Variants in MAMLD1 observed in about 807,000 individuals in gnomAD.
MAMLD1 encodes mastermind-like domain-containing protein 1.
MAMLD1 carries 14 observed loss-of-function variants against 45.0 expected under a neutral mutation model. The ratio of observed to expected loss-of-function variants is 0.31; its 90% CI spans 0.21 to 0.49. MAMLD1 has a LOEUF of 0.49. MAMLD1 is among the 20% of genes least tolerant of loss of function. The pLI, the probability that MAMLD1 is intolerant of heterozygous loss-of-function variation, is 0.99. For missense variants in MAMLD1, 543 were observed against 603.6 expected (o/e 0.90, Z 1.05); for synonymous variants, 254 against 247.8 (o/e 1.02, Z -0.24).
At chrX:150,386,524 C>G (rs1427127552) in intron 1 of MAMLD1, among the ~76,000 whole-genome samples, 1 of 111,790 alleles carries the variant, frequency 8.9e-6, no homozygotes, top group Non-Finnish European at 1.9e-5. Flanking sequence ...AAGGCAGTCT[C>G]TTACTGACAA....
chrX:150,407,949 T>G lies in MAMLD1; in HGVS notation c.-63-37505T>G, dbSNP rs140433064. Among the ~76,000 whole-genome samples the G allele has an allele frequency of 7.3e-3, 814 of 111,926 alleles. 9 individuals are homozygous for G. The highest frequency in any genetic ancestry group is 0.025 in the African/African-American group (777 of 30,801). On this transcript the variant is annotated intron_variant, in intron 1 of 7. Coordinates refer to ENST00000370401, the MANE Select transcript of MAMLD1 (RefSeq NM_005491.5). ...CTGTCTTATTCTTATGTGATTTCTCTCTTTGCTGGCTCTATGATCCCAGAG... is the reference window on the plus strand; with the variant it reads ...CTGTCTTATTCTTATGTGATTTCTCGCTTTGCTGGCTCTATGATCCCAGAG...
At chrX:150,414,329 G>A (rs1602724997) in intron 1 of MAMLD1, among the ~76,000 whole-genome samples, 2 of 111,922 alleles carry the variant, frequency 1.8e-5, no homozygotes, top group Admixed American at 9.5e-5. Flanking sequence ...TCACAGAAAA[G>A]CAGGCAAGTG....
intron 2 of MAMLD1, among the ~76,000 whole-genome samples, chrX:150,449,391 G>A (rs1225975501): frequency 2.7e-5 from 3 of 111,284 alleles, no homozygotes; most frequent in Non-Finnish European, 5.7e-5. Context: ...AGCGTATGTG[G>A]ACATTTGGAT....
chrX:150,495,545 T>A (rs782220230), intron 5 of MAMLD1, among the ~76,000 whole-genome samples: 1 of 112,458 alleles, frequency 8.9e-6, no homozygotes, highest in Non-Finnish European at 1.9e-5. Flanking sequence ...ACACAGAACA[T>A]CCCTGTGGGG....
intron 1 of MAMLD1, among the ~76,000 whole-genome samples, chrX:150,402,035 CA>C (rs1211268712): frequency 1.5e-4 from 17 of 111,691 alleles, no homozygotes; most frequent in African/African-American, 5.5e-4. Flanking sequence ...TCTAAAACAC[CA>C]AAAGTAATGG....
chrX:150,494,103 A>G (rs1475467503), intron 5 of MAMLD1, among the ~76,000 whole-genome samples: 1 of 112,178 alleles, frequency 8.9e-6, no homozygotes, highest in Admixed American at 9.5e-5. Flanking sequence ...TTAATAAGGA[A>G]GTAAAAAATG....
rs369758402 is a variant in MAMLD1, at chrX:150,434,617, T to C, written c.-63-10837T>C. Among the ~76,000 whole-genome samples the C allele has an allele frequency of 6.2e-5, 7 of 112,385 alleles. No individual in the cohort carries two copies. The East Asian group carries it at 1.9e-3, about 31-fold the overall frequency. The stretch of plus-strand genomic sequence containing the variant: ...GGGATTCTGGTATGTTGTATCTTTG[T>C]TCTCCTTAGTTTCAAATAATTTGTT... On this transcript the variant is annotated intron_variant, in intron 1 of 7. Transcript: ENST00000370401.
intron 1 of MAMLD1, among the ~76,000 whole-genome samples, chrX:150,410,537 A>T (rs942069271): frequency 1.1e-4 from 12 of 111,786 alleles, no homozygotes; most frequent in African/African-American, 3.9e-4. Context: ...TCCAGCAGCT[A>T]TCATCACAGT....
In MAMLD1 at chrX:150,488,759, C is replaced by T. The variant is rs182114720; in HGVS notation, c.2041-14515C>T. Among the ~76,000 whole-genome samples the T allele has an allele frequency of 5.2e-3, 591 of 113,083 alleles. 1 individual carries two copies. Among genetic ancestry groups the T allele is most frequent in the Non-Finnish European group, 7.3e-3 (391 of 53,392 alleles). On this transcript the variant is annotated intron_variant, in intron 5 of 7. Coordinates refer to ENST00000370401, the MANE Select transcript of MAMLD1 (RefSeq NM_005491.5). ...AGTGGTAGGTTATGCTTATGCTCAT[C>T]GTTTTTCTTCCCAGAGCTGGCTCTT...
chrX:150,463,001 T>C (rs1557405703), intron 3 of MAMLD1, among the ~76,000 whole-genome samples, 155 bp downstream of exon 3: 1 of 112,371 alleles, frequency 8.9e-6, no homozygotes, highest in Non-Finnish European at 1.9e-5. Flanking sequence ...TTAAATGATC[T>C]CTGCCCGGTG....
chrX:150,469,655 C>CTCTCTGTGTGTGTG (rs1159384506), intron 3 of MAMLD1, 90 bp from the exon 4 acceptor site: 2 of 291,306 alleles, frequency 6.9e-6, no homozygotes, highest in African/African-American at 7.1e-5. Context: ...CTCTCTCTCT[C>CTCTCTGTGTGTGTG]TGTGTGTGTG....
At chrX:150,481,700 G>A (rs1021283037) in intron 5 of MAMLD1, among the ~76,000 whole-genome samples, 35 of 108,170 alleles carry the variant, frequency 3.2e-4, no homozygotes, top group Non-Finnish European at 5.5e-4. Context: ...GCATGGTGGC[G>A]TTGCCTGCAG....
Position 150,470,701 on chromosome X carries a change from G to T in MAMLD1, c.1128G>T (p.Ser376=), listed in dbSNP as rs781984105. The T allele has an allele frequency of 1.7e-6, 2 of 1,211,743 alleles. No homozygotes were observed. The highest frequency in any genetic ancestry group is 3.5e-5 in the African/African-American group (2 of 57,783). ...MVSCMSSNTL[S]GSTLRGSPNA... ...CCTGCATGTCGTCCAATACCTTGTC[G>T]GGTAGCACTCTCCGAGGCTCTCCCA... Residue 376 remains serine, a synonymous_variant, in exon 4 of 8, where the codon TCG becomes TCT. Coordinates refer to ENST00000370401, the MANE Select transcript of MAMLD1 (RefSeq NM_005491.5).
intron 1 of MAMLD1, among the ~76,000 whole-genome samples, chrX:150,420,624 A>T (rs2034457555): frequency 8.9e-6 from 1 of 111,751 alleles, no homozygotes; most frequent in Admixed American, 9.4e-5. Context: ...TTTGGTGTGG[A>T]TGTACTTTCT....
chrX:150,411,551 C>T (rs1211075630), intron 1 of MAMLD1, among the ~76,000 whole-genome samples: 2 of 112,296 alleles, frequency 1.8e-5, no homozygotes, highest in Non-Finnish European at 3.8e-5. Flanking sequence ...TTGGTATGCA[C>T]AATGCCTCTT....
At chrX:150,494,486 T>A (rs1211760372) in intron 5 of MAMLD1, among the ~76,000 whole-genome samples, 2 of 112,681 alleles carry the variant, frequency 1.8e-5, no homozygotes. Context: ...CCCAAGTAGA[T>A]CCTCATGTGA....
intron 1 of MAMLD1, among the ~76,000 whole-genome samples, chrX:150,365,249 C>T (rs917082454): frequency 8.9e-6 from 1 of 112,170 alleles, no homozygotes. Context: ...TCGAGCCGCT[C>T]GGGACAGGAG....
chrX:150,430,486 T>C (rs2034898529), intron 1 of MAMLD1, among the ~76,000 whole-genome samples: 1 of 111,800 alleles, frequency 8.9e-6, no homozygotes, highest in Non-Finnish European at 1.9e-5. Context: ...TGAAGTCTAG[T>C]TTATGAATTT....
intron 1 of MAMLD1, among the ~76,000 whole-genome samples, chrX:150,428,140 G>T: frequency 9.0e-6 from 1 of 110,994 alleles, no homozygotes; most frequent in Non-Finnish European, 1.9e-5. Context: ...TCTTCTTCTG[G>T]GTATGGGTGG....
Sources: allele counts gnomAD v4.1 joint callset (sites outside exome capture counted in the v4.1 genomes callset), GRCh38; gene constraint gnomAD v4.1.1; transcripts MANE v1.5; gene names NCBI Gene and HGNC (gene_info 2026-07-23, HGNC 2026-07-21).